Variants in PPM1E observed in about 807,000 individuals in gnomAD.
The protein encoded by PPM1E is protein phosphatase, Mg2+/Mn2+ dependent 1E, also known as protein phosphatase 1E.
In PPM1E, 20 loss-of-function variants were observed where a neutral mutation model predicts 65.9. The observed-to-expected ratio is 0.30, with a 90% CI of 0.21 to 0.44. The LOEUF (loss-of-function observed/expected upper bound fraction) is 0.44, where lower values mean the gene tolerates loss of function less well. PPM1E is among the 20% of genes least tolerant of loss of function. The pLI is 1.00. For missense variants in PPM1E, 713 were observed against 953.1 expected, an observed-to-expected ratio of 0.75 and a Z score of 3.32; for synonymous variants, 352 against 374.9, an observed-to-expected ratio of 0.94 and a Z score of 0.70.
intron 3 of PPM1E, chr17:58,966,159 T>C (rs2030222425): frequency 2.1e-6 from 1 of 475,284 alleles, no homozygotes. Flanking sequence ...TTCCCTTCCA[T>C]GGAGGCAAGG....
intron 1 of PPM1E, among the ~76,000 whole-genome samples, chr17:58,954,517 C>T (rs1165566534): frequency 6.6e-6 from 1 of 152,090 alleles, no homozygotes; most frequent in Non-Finnish European, 1.5e-5. Context: ...TGCCACTTTC[C>T]CCTCACCCAC....
At position 58,984,975 on chromosome 17, in the gene PPM1E, G is replaced by T. The variant is rs536890074; in HGVS notation, c.*3944G>T. On this transcript the variant is annotated 3_prime_UTR_variant, in exon 7 of 7. Transcript: ENST00000308249. ...CTTGTTCATAACATTTCTCTGCAAA[G>T]AATTCTCTATGGAGTGAAGCGAATG... The T allele has an allele frequency of 6.5e-5, 10 of 152,732 alleles. No individual in the cohort carries two copies. The highest frequency in any genetic ancestry group is 2.2e-4 in the African/African-American group (9 of 41,566). 9.5% of individuals were successfully genotyped at this position (152,732 alleles called of 1,614,324 possible).
intron 3 of PPM1E, chr17:58,966,669 T>G (rs2030276670): frequency 6.5e-6 from 1 of 154,034 alleles, no homozygotes; most frequent in Non-Finnish European, 1.4e-5. Context: ...GCTTAATAAC[T>G]ATTTTCTTGT....
At chr17:58,873,180 T>C (rs1484578192) in intron 1 of PPM1E, among the ~76,000 whole-genome samples, 1 of 152,226 alleles carries the variant, frequency 6.6e-6, no homozygotes, top group African/African-American at 2.4e-5. Flanking sequence ...CTTTGTAAGT[T>C]GATATGATTT....
At chr17:58,879,346 A>C (rs1337582228) in intron 1 of PPM1E, among the ~76,000 whole-genome samples, 1 of 150,704 alleles carries the variant, frequency 6.6e-6, no homozygotes, top group Non-Finnish European at 1.5e-5. Flanking sequence ...GTTGAACTTG[A>C]TCAAACTCCT....
At chr17:58,946,143 T>C (rs996351269) in intron 1 of PPM1E, among the ~76,000 whole-genome samples, 2 of 152,090 alleles carry the variant, frequency 1.3e-5, no homozygotes, top group African/African-American at 4.8e-5. Flanking sequence ...AAGGCACTCA[T>C]AGACTATACA....
At chr17:58,841,865 G>A (rs551801559) in intron 1 of PPM1E, among the ~76,000 whole-genome samples, 15 of 152,070 alleles carry the variant, frequency 9.9e-5, no homozygotes, top group Middle Eastern at 3.4e-3. Context: ...GCACCACCAC[G>A]CCTGGCTAAT....
chr17:58,767,869 C>T (rs1157280842), intron 1 of PPM1E, among the ~76,000 whole-genome samples: 2 of 151,472 alleles, frequency 1.3e-5, no homozygotes, highest in South Asian at 4.2e-4. Context: ...CTCGAACTCC[C>T]GACCTCAGGT....
chr17:58,822,660 C>T (rs2143142254), intron 1 of PPM1E, among the ~76,000 whole-genome samples: 1 of 152,216 alleles, frequency 6.6e-6, no homozygotes, highest in African/African-American at 2.4e-5. Context: ...ATAATTCATG[C>T]TTTAAACACT....
At chr17:58,859,826 C>G (rs1364712207) in intron 1 of PPM1E, among the ~76,000 whole-genome samples, 1 of 152,184 alleles carries the variant, frequency 6.6e-6, no homozygotes, top group Non-Finnish European at 1.5e-5. Context: ...GCCAATTGTT[C>G]AGAGAGGTGT....
chr17:58,900,850 G>C (rs955456785), intron 1 of PPM1E, among the ~76,000 whole-genome samples: 7 of 152,070 alleles, frequency 4.6e-5, no homozygotes, highest in Non-Finnish European at 8.8e-5. Flanking sequence ...ATGGATCTAG[G>C]TTATGCTCAT....
intron 1 of PPM1E, among the ~76,000 whole-genome samples, chr17:58,795,454 G>A (rs2050196643): frequency 6.6e-6 from 1 of 152,148 alleles, no homozygotes; most frequent in African/African-American, 2.4e-5. Context: ...TGTAATCTCA[G>A]CACTTTGGGA....
intron 1 of PPM1E, among the ~76,000 whole-genome samples, chr17:58,848,106 T>G (rs2050789580): frequency 6.6e-6 from 1 of 152,226 alleles, no homozygotes; most frequent in Non-Finnish European, 1.5e-5. Flanking sequence ...CTTGTTGTGA[T>G]TTTTGCACAT....
chr17:58,805,984 ACAAAAC>A lies in PPM1E; in HGVS notation c.464+49524_464+49529del, dbSNP rs796769967. 4.7e-3 allele frequency among the ~76,000 whole-genome samples: 471 copies of A among 100,176 alleles called. 13 individuals are homozygous for A. Among genetic ancestry groups the A allele is most frequent in the African/African-American group, 9.4e-3 (215 of 22,944 alleles). 65.7% of individuals were successfully genotyped at this position (100,176 alleles called of 152,430 possible). On this transcript the variant is annotated intron_variant, in intron 1 of 6. Coordinates refer to ENST00000308249, the MANE Select transcript of PPM1E (RefSeq NM_014906.5). ...AACAAAAAAAAAAAACAAAAAAAAA[ACAAAAC>A]AAAACAAAACAAAAAAAAAACTATA...
Position 58,965,740 on chromosome 17 carries a change from C to T in PPM1E, c.630C>T (p.His210=), listed in dbSNP as rs764474057. The T allele has an allele frequency of 1.5e-5, 24 of 1,613,950 alleles. No individual in the cohort carries two copies. The highest frequency in any genetic ancestry group is 1.2e-4 in the Admixed American group (7 of 59,984). ...CCCGTTCTGTCTTCAGCAAACTACA[C>T]GAGATTTGCTGCAGCTGGGTGAAAG... The part of the protein sequence containing the change: ...KLARSVFSKL[H]EICCSWVKDF... Residue 210 remains histidine, a synonymous_variant, in exon 3 of 7, where the codon CAC becomes CAT. Transcript: ENST00000308249.
chr17:58,825,311 T>C (rs949395712), intron 1 of PPM1E, among the ~76,000 whole-genome samples: 1 of 151,954 alleles, frequency 6.6e-6, no homozygotes, highest in African/African-American at 2.4e-5. Flanking sequence ...GGCTCATGCC[T>C]GTAATCCCAG....
intron 1 of PPM1E, chr17:58,785,188 G>A (rs541083590): frequency 6.6e-6 from 1 of 151,896 alleles, no homozygotes; most frequent in Admixed American, 6.6e-5. Context: ...TTTGCAAGTG[G>A]ACATCTAGTT....
chr17:58,820,993 A>G (rs1239783164), intron 1 of PPM1E, among the ~76,000 whole-genome samples: 1 of 152,118 alleles, frequency 6.6e-6, no homozygotes, highest in African/African-American at 2.4e-5. Flanking sequence ...AATTCCAATT[A>G]TAATGTATGA....
chr17:58,894,766 CCTT>C (rs2051392047), intron 1 of PPM1E, among the ~76,000 whole-genome samples: 1 of 151,766 alleles, frequency 6.6e-6, no homozygotes, highest in African/African-American at 2.4e-5. Context: ...ATAATATACT[CCTT>C]ATTCTTTTTA....
Sources: gnomAD v4.1 joint callset for allele counts (sites outside exome capture counted in the v4.1 genomes callset) on GRCh38, gnomAD v4.1.1 for gene constraint, MANE v1.5 for transcripts, NCBI Gene and HGNC (gene_info 2026-07-23, HGNC 2026-07-21) for gene names.